Variants in PRKCB observed in about 807,000 individuals in gnomAD.
PRKCB encodes the protein protein kinase C beta.
Under a neutral mutation model 81.5 loss-of-function variants are expected in PRKCB, and 13 were observed. That is an observed-to-expected ratio of 0.16 (90% CI 0.10 to 0.25). The LOEUF (loss-of-function observed/expected upper bound fraction) is 0.25. Among genes scored for constraint, PRKCB ranks in the 10% least tolerant of loss-of-function variants. The pLI, the probability that PRKCB is intolerant of heterozygous loss-of-function variation, is 1.00. For missense variants in PRKCB, 509 were observed against 875.7 expected (o/e 0.58, Z 5.29); for synonymous variants, 335 against 321.4 (o/e 1.04, Z -0.45).
At chr16:23,985,197 T>C (rs1476050316) in intron 2 of PRKCB, among the ~76,000 whole-genome samples, 4 of 152,106 alleles carry the variant, frequency 2.6e-5, no homozygotes, top group Non-Finnish European at 5.9e-5. Flanking sequence ...GTTCAAGCAA[T>C]CTACTGCCTC....
chr16:24,028,286 A>T (rs150182397), intron 3 of PRKCB, among the ~76,000 whole-genome samples: 8,002 of 152,188 alleles, frequency 0.053, 276 homozygotes, highest in African/African-American at 0.077. Flanking sequence ...ACAGGGTTTC[A>T]CCATATCGGT....
rs1050260987 is a variant in PRKCB at position 24,204,849 on chromosome 16, C to T, written c.1864-9809C>T. 4.6e-5 allele frequency among the ~76,000 whole-genome samples: 7 copies of T among 152,200 alleles called. No homozygotes were observed. The South Asian group carries it at 8.3e-4, about 18-fold the overall frequency. On this transcript the variant is annotated intron_variant, in intron 16 of 16. Coordinates refer to ENST00000643927, the MANE Select transcript of PRKCB (RefSeq NM_002738.7). ...TTTTAAAATTTTTTATGGCCAGGCA[C>T]AGAGGCTCATGCCTGTAATCCTAGC...
At chr16:23,911,819 G>C (rs961279809) in intron 2 of PRKCB, among the ~76,000 whole-genome samples, 3 of 132,102 alleles carry the variant, frequency 2.3e-5, no homozygotes, top group African/African-American at 8.6e-5. Context: ...GGATATGCGC[G>C]ACCCACATTT....
At chr16:23,910,772 A>G (rs1037077752) in intron 2 of PRKCB, among the ~76,000 whole-genome samples, 1 of 152,154 alleles carries the variant, frequency 6.6e-6, no homozygotes, top group Non-Finnish European at 1.5e-5. Context: ...ATTCCAGAAC[A>G]TTCTCATCAC....
At chr16:24,036,341 C>T (rs954453731) in intron 5 of PRKCB, among the ~76,000 whole-genome samples, 4 of 152,068 alleles carry the variant, frequency 2.6e-5, no homozygotes, top group African/African-American at 4.8e-5. Flanking sequence ...AATACTCAGC[C>T]ATAAGCCCCG....
At chr16:24,093,356 C>A (rs975404670) in intron 6 of PRKCB, among the ~76,000 whole-genome samples, 1 of 152,192 alleles carries the variant, frequency 6.6e-6, no homozygotes, top group Non-Finnish European at 1.5e-5. Flanking sequence ...CCTTCTGGGA[C>A]ATCTCCACCA....
intron 2 of PRKCB, among the ~76,000 whole-genome samples, chr16:23,900,161 C>A (rs1470902601): frequency 6.6e-6 from 1 of 152,116 alleles, no homozygotes; most frequent in Non-Finnish European, 1.5e-5. Flanking sequence ...ACAAAATATA[C>A]AAGACAGCCT....
chr16:23,879,887 GTT>G (rs768217858), intron 2 of PRKCB, among the ~76,000 whole-genome samples: 43 of 152,310 alleles, frequency 2.8e-4, no homozygotes, highest in Middle Eastern at 3.4e-3. Flanking sequence ...TAGCTCTGCT[GTT>G]TTTTAAACTC....
chr16:23,873,075 C>T (rs1312044697), intron 2 of PRKCB, among the ~76,000 whole-genome samples: 1 of 150,822 alleles, frequency 6.6e-6, no homozygotes, highest in Admixed American at 6.6e-5. Context: ...TGCCTGTAAT[C>T]CCAGCATTTT....
chr16:24,112,129 A>C (rs1966683103), intron 7 of PRKCB, among the ~76,000 whole-genome samples: 1 of 152,210 alleles, frequency 6.6e-6, no homozygotes, highest in South Asian at 2.1e-4. Flanking sequence ...TTTGCAGAGA[A>C]AATAGCATCA....
intron 3 of PRKCB, among the ~76,000 whole-genome samples, chr16:23,995,469 C>T (rs1157227192): frequency 6.6e-6 from 1 of 152,118 alleles, no homozygotes; most frequent in Admixed American, 6.5e-5. Context: ...GGAATATAGT[C>T]CTGCCATAAT....
At chr16:24,212,461 C>CTTTTTTTTTTTTTTTTTTTTTTTTTTTT (rs975667798) in intron 16 of PRKCB, among the ~76,000 whole-genome samples, 2 of 78,062 alleles carry the variant, frequency 2.6e-5, no homozygotes, top group East Asian at 9.0e-4. Context: ...CTTTTTTTTC[C>CTTTTTTTTTTTTTTTTTTTTTTTTTTTT]TTTTTTTTTT....
At chr16:23,890,105 T>C (rs1963269782) in intron 2 of PRKCB, among the ~76,000 whole-genome samples, 1 of 152,238 alleles carries the variant, frequency 6.6e-6, no homozygotes, top group Non-Finnish European at 1.5e-5. Flanking sequence ...AATGAATGGA[T>C]CTACTTGACT....
At chr16:24,190,713 T>A (rs1406527404) in intron 15 of PRKCB, among the ~76,000 whole-genome samples, 1 of 152,102 alleles carries the variant, frequency 6.6e-6, no homozygotes, top group African/African-American at 2.4e-5. Flanking sequence ...GAGACAGGGT[T>A]TCACCATGTT....
At chr16:24,197,658 A>G (rs1423398056) in intron 16 of PRKCB, among the ~76,000 whole-genome samples, 1 of 152,150 alleles carries the variant, frequency 6.6e-6, no homozygotes, top group East Asian at 1.9e-4. Flanking sequence ...GAAATCAGGG[A>G]GACTGGTTGA....
intron 6 of PRKCB, 127 bp from the exon 7 acceptor site, chr16:24,094,036 A>C (rs533575928): frequency 1.8e-6 from 2 of 1,101,402 alleles, no homozygotes; most frequent in East Asian, 5.1e-5. Context: ...TGGAAACTGA[A>C]TATGTTTCTT....
rs752791417 is a variant in PRKCB, at chr16:24,112,940, T to C, written c.822-33T>C. ...AATAAAATAATACCGAGTCGAGTCA[T>C]GAAATGTGTCCCACCCCCTTGTCTC... On this transcript the variant is annotated intron_variant, in intron 7 of 16. Transcript: ENST00000643927. The C allele has an allele frequency of 1.2e-5, 18 of 1,440,070 alleles. No homozygotes were observed. In the Admixed American group the frequency reaches 2.3e-4, roughly 18 times the overall value. 89.2% of individuals were successfully genotyped at this position (1,440,070 alleles called of 1,614,324 possible). A position where few individuals can be genotyped will look rare whatever the true frequency, so the allele number is the denominator to read the frequency against.
intron 2 of PRKCB, among the ~76,000 whole-genome samples, chr16:23,950,938 G>T (rs931552434): frequency 1.3e-5 from 2 of 152,122 alleles, no homozygotes; most frequent in Admixed American, 6.5e-5. Context: ...CATCAATGGG[G>T]TACTCTATTC....
intron 2 of PRKCB, among the ~76,000 whole-genome samples, chr16:23,881,685 A>G (rs910669036): frequency 6.6e-6 from 1 of 152,228 alleles, no homozygotes; most frequent in Non-Finnish European, 1.5e-5. Flanking sequence ...ATGGTAAAAA[A>G]CACATAACAT....
Sources: gnomAD v4.1 joint callset for allele counts (sites outside exome capture counted in the v4.1 genomes callset) on GRCh38, gnomAD v4.1.1 for gene constraint, MANE v1.5 for transcripts, NCBI Gene and HGNC (gene_info 2026-07-23, HGNC 2026-07-21) for gene names.